Variants in FAM222A observed in about 807,000 individuals in gnomAD.
FAM222A encodes protein FAM222A.
In FAM222A, 7 loss-of-function variants were observed where a neutral mutation model predicts 25.8. The observed-to-expected ratio is 0.27, with a 90% CI of 0.15 to 0.51. FAM222A has a LOEUF of 0.51. FAM222A is among the 20% of genes least tolerant of loss of function. FAM222A has a pLI of 0.97. For missense variants in FAM222A, 573 were observed against 640.5 expected (o/e 0.89, Z 1.14); for synonymous variants, 294 against 298.8 (o/e 0.98, Z 0.17).
intron 1 of FAM222A, among the ~76,000 whole-genome samples, chr12:109,725,991 G>T (rs1156747234): frequency 6.6e-6 from 1 of 152,058 alleles, no homozygotes; most frequent in Non-Finnish European, 1.5e-5. Flanking sequence ...GGGGGACTTT[G>T]TGTAGCAGGG....
At chr12:109,754,853 G>A (rs1235982249) in intron 2 of FAM222A, among the ~76,000 whole-genome samples, 1 of 151,978 alleles carries the variant, frequency 6.6e-6, no homozygotes, top group Admixed American at 6.6e-5. Context: ...TTAATTTTTA[G>A]TAGGGATGGG....
At chr12:109,716,036 C>G (rs969753321) in intron 1 of FAM222A, among the ~76,000 whole-genome samples, 6 of 152,232 alleles carry the variant, frequency 3.9e-5, no homozygotes, top group Non-Finnish European at 7.3e-5. Context: ...CTGATTGCCC[C>G]CTGCTCCTTC....
intron 1 of FAM222A, among the ~76,000 whole-genome samples, chr12:109,720,685 A>G (rs922825797): frequency 1.3e-5 from 2 of 152,266 alleles, no homozygotes; most frequent in African/African-American, 4.8e-5. Context: ...GCTCCAGGCC[A>G]GGCTCCCTGC....
At chr12:109,760,949 G>A (rs1888874740) in intron 2 of FAM222A, among the ~76,000 whole-genome samples, 1 of 152,118 alleles carries the variant, frequency 6.6e-6, no homozygotes, top group Non-Finnish European at 1.5e-5. Flanking sequence ...GAGGCAGCTG[G>A]GAGCTTGGAG....
chr12:109,735,903 G>A (rs1888072412), intron 1 of FAM222A: 1 of 152,268 alleles, frequency 6.6e-6, no homozygotes, highest in African/African-American at 2.4e-5. Flanking sequence ...CAGAGGCTCA[G>A]CCTGCCCCTG....
At chr12:109,756,238 A>C (rs950715338) in intron 2 of FAM222A, among the ~76,000 whole-genome samples, 1 of 152,140 alleles carries the variant, frequency 6.6e-6, no homozygotes, top group Non-Finnish European at 1.5e-5. Flanking sequence ...ATTGTGAATA[A>C]ATAGAGTTGA....
intron 2 of FAM222A, among the ~76,000 whole-genome samples, chr12:109,753,478 G>A (rs1422387939): frequency 6.6e-6 from 1 of 152,114 alleles, no homozygotes; most frequent in Non-Finnish European, 1.5e-5. Context: ...TTCCTCTGCT[G>A]TGACATGGAG....
intron 1 of FAM222A, among the ~76,000 whole-genome samples, chr12:109,716,132 G>A (rs554699947): frequency 6.6e-6 from 1 of 152,258 alleles, no homozygotes; most frequent in East Asian, 1.9e-4. Flanking sequence ...GCCAAGGTCT[G>A]AATAAACTGT....
chr12:109,738,846 C>T (rs770219343), intron 1 of FAM222A, among the ~76,000 whole-genome samples: 111 of 152,340 alleles, frequency 7.3e-4, no homozygotes, highest in Non-Finnish European at 1.1e-3. Flanking sequence ...TCAGCTGGTC[C>T]ACTCCCCATA....
At chr12:109,735,264 A>G (rs1045488323) in intron 1 of FAM222A, among the ~76,000 whole-genome samples, 9 of 152,002 alleles carry the variant, frequency 5.9e-5, no homozygotes, top group African/African-American at 1.5e-4. Flanking sequence ...GCCCAGGCCA[A>G]CCTCTTCCGT....
At chr12:109,728,000 CG>C (rs1307545051) in intron 1 of FAM222A, among the ~76,000 whole-genome samples, 2 of 152,140 alleles carry the variant, frequency 1.3e-5, no homozygotes, top group African/African-American at 4.8e-5. Flanking sequence ...CTCTGAGCCT[CG>C]ATCTCCTTAA....
At chr12:109,729,642 G>A (rs116860804) in intron 1 of FAM222A, among the ~76,000 whole-genome samples, 3,772 of 152,288 alleles carry the variant, frequency 0.025, 63 homozygotes, top group Non-Finnish European at 0.036. Context: ...ACACACAGAC[G>A]CGCGCACGCA....
At chr12:109,718,687 G>C (rs1887694329) in intron 1 of FAM222A, among the ~76,000 whole-genome samples, 1 of 152,242 alleles carries the variant, frequency 6.6e-6, no homozygotes. Flanking sequence ...CTGCGGTGCC[G>C]GCCGGTCACC....
intron 2 of FAM222A, among the ~76,000 whole-genome samples, chr12:109,763,643 G>A (rs1888961561): frequency 6.6e-6 from 1 of 152,216 alleles, no homozygotes. Flanking sequence ...GTCTGAGAGA[G>A]CGAGTGAGGA....
intron 2 of FAM222A, among the ~76,000 whole-genome samples, chr12:109,764,855 A>C (rs773727891): frequency 6.6e-6 from 1 of 152,138 alleles, no homozygotes; most frequent in Non-Finnish European, 1.5e-5. Flanking sequence ...GTTTAAATCC[A>C]ATCTCGGAGA....
At position 109,768,213 on chromosome 12, in the gene FAM222A, A is replaced by T. The variant is rs763757845; in HGVS notation, c.284A>T (p.His95Leu). Reference protein sequence around the residue: ...SGQRYSPYPQHTAGYQGLLAI... With the variant: ...SGQRYSPYPQLTAGYQGLLAI... ...CAGCGCTACAGCCCCTACCCACAGC[A>T]CACCGCTGGCTACCAGGGCCTTCTG... Residue 95 changes from histidine to leucine, a missense_variant, in exon 3 of 3, where the codon CAC becomes CTC. By Grantham distance (99) the His-to-Leu change is moderately conservative. This residue lies in a region of FAM222A where 112 missense variants were observed against 154.6 expected (regional missense o/e 0.72). Transcript: ENST00000538780. 25 of 1,612,640 alleles carry T rather than the reference A, an allele frequency of 1.6e-5. No individual in the cohort carries two copies. The highest frequency in any genetic ancestry group is 1.9e-5 in the Non-Finnish European group (23 of 1,179,728).
intron 1 of FAM222A, among the ~76,000 whole-genome samples, chr12:109,727,224 C>T (rs945303122): frequency 1.3e-5 from 2 of 152,052 alleles, no homozygotes; most frequent in Admixed American, 6.6e-5. Context: ...TGAGCCGGGC[C>T]GGGCGGCCAG....
chr12:109,769,014 A>T lies in FAM222A; in HGVS notation c.1085A>T (p.Asn362Ile), dbSNP rs1889158509. The change falls in exon 3 of 3, where the codon AAC (asparagine) becomes ATC (isoleucine). Residue 362 changes from asparagine (N) to isoleucine (I), a missense_variant. By Grantham distance (149) the Asn-to-Ile change is moderately radical. This residue lies in a region of FAM222A where 412 missense variants were observed against 407.0 expected (regional missense o/e 1.01). Coordinates refer to ENST00000538780, the MANE Select transcript of FAM222A (RefSeq NM_032829.3). ...VLVTPTSDCY[N>I]PAAAVVVTEL... ...GTGACACCCACCAGCGACTGCTACA[A>T]CCCAGCGGCGGCGGTGGTGGTCACG... 6.3e-7 allele frequency: 1 copy of T among 1,580,368 alleles called. No individual in the cohort carries two copies. The highest frequency in any genetic ancestry group is 8.6e-7 in the Non-Finnish European group (1 of 1,165,434).
At chr12:109,738,374 A>C (rs1025796854) in intron 1 of FAM222A, among the ~76,000 whole-genome samples, 7 of 152,170 alleles carry the variant, frequency 4.6e-5, no homozygotes, top group African/African-American at 1.2e-4. Context: ...TCCAGCATTC[A>C]TTCTCTTCCC....
Sources: allele counts gnomAD v4.1 joint callset (sites outside exome capture counted in the v4.1 genomes callset), GRCh38; gene constraint gnomAD v4.1.1; regional missense constraint gnomAD v4.1.1; transcripts MANE v1.5; gene names NCBI Gene and HGNC (gene_info 2026-07-23, HGNC 2026-07-21).